Variants in SRGAP3 observed in about 807,000 individuals in gnomAD.
SRGAP3 encodes the protein SLIT-ROBO Rho GTPase-activating protein 3.
A neutral mutation model predicts 121.1 loss-of-function variants in SRGAP3; 39 were observed. That is an observed-to-expected ratio of 0.32 (90% CI 0.25 to 0.42). The LOEUF (loss-of-function observed/expected upper bound fraction) is 0.42, where lower values mean the gene tolerates loss of function less well. Ranked by LOEUF, SRGAP3 falls within the 10% of genes least tolerant of loss-of-function variation. SRGAP3 has a pLI of 1.00. For missense variants in SRGAP3, 1,213 were observed against 1,470.6 expected (o/e 0.82, Z 2.86); for synonymous variants, 601 against 570.0 (o/e 1.05, Z -0.77).
intron 1 of SRGAP3, among the ~76,000 whole-genome samples, chr3:9,172,156 C>A (rs1032875659): frequency 1.4e-5 from 2 of 146,548 alleles, no homozygotes; most frequent in African/African-American, 5.1e-5. Flanking sequence ...TGCAGTGGTG[C>A]AGTCTCCACT....
intron 3 of SRGAP3, among the ~76,000 whole-genome samples, chr3:9,316,923 C>G (rs1319131375): frequency 2.0e-5 from 3 of 152,114 alleles, no homozygotes; most frequent in African/African-American, 7.2e-5. Context: ...GACTTCCCTG[C>G]ATTTCAAAGC....
At position 9,075,374 on chromosome 3, in the gene SRGAP3, AGTGT is replaced by A. The variant is rs3067610; in HGVS notation, c.486+4647_486+4650del. On this transcript the variant is annotated intron_variant, in intron 4 of 21. Coordinates refer to ENST00000383836, the MANE Select transcript of SRGAP3 (RefSeq NM_014850.4). ...GTCAAACTGCACATGCATGTATGCA[AGTGT>A]GTGTGTGTGTGTGCGCGCGCACATA... is the stretch of plus-strand genomic sequence containing the variant. Among the ~76,000 whole-genome samples, 7 of 145,228 alleles carry A rather than the reference AGTGT, an allele frequency of 4.8e-5. No individual in the cohort carries two copies. The East Asian group carries it at 1.1e-3, about 22-fold the overall frequency.
intron 1 of SRGAP3, among the ~76,000 whole-genome samples, chr3:9,180,148 C>T (rs1434239691): frequency 6.6e-6 from 1 of 152,232 alleles, no homozygotes; most frequent in Non-Finnish European, 1.5e-5. Flanking sequence ...TTCACAGCTG[C>T]CAAGAGAGGT....
chr3:9,225,209 A>G (rs1020934357), intron 1 of SRGAP3, among the ~76,000 whole-genome samples: 1 of 152,176 alleles, frequency 6.6e-6, no homozygotes, highest in Non-Finnish European at 1.5e-5. Flanking sequence ...TCCAAGCAGA[A>G]ACTGCCCAGC....
At chr3:9,198,282 A>C (rs1371470407) in intron 1 of SRGAP3, among the ~76,000 whole-genome samples, 1 of 152,208 alleles carries the variant, frequency 6.6e-6, no homozygotes, top group Non-Finnish European at 1.5e-5. Context: ...GTATTTATTT[A>C]ATGTTTGTCG....
intron 1 of SRGAP3, among the ~76,000 whole-genome samples, chr3:9,202,530 C>A (rs1007927468): frequency 6.6e-6 from 1 of 152,246 alleles, no homozygotes. Context: ...CAAAGACCTG[C>A]ACTCTAAAGT....
At chr3:9,234,991 G>A (rs555307757) in intron 1 of SRGAP3, among the ~76,000 whole-genome samples, 1 of 152,270 alleles carries the variant, frequency 6.6e-6, no homozygotes, top group African/African-American at 2.4e-5. Context: ...GAAAGTGGCT[G>A]GGACAAATGT....
chr3:8,990,859 C>T lies in SRGAP3; in HGVS notation c.2559-20G>A, dbSNP rs765682763. ...CGCACTCTGCAAAGGAGCCAGGGGG[C>T]GAGGGGCATGGGGCAGAGGTCAAGC... On this transcript the variant is annotated intron_variant, in intron 20 of 21. Coordinates refer to ENST00000383836, the MANE Select transcript of SRGAP3 (RefSeq NM_014850.4). 18 of 1,492,940 alleles carry T rather than the reference C, an allele frequency of 1.2e-5. No individual in the cohort carries two copies. The highest frequency in any genetic ancestry group is 1.8e-4 in the Middle Eastern group (1 of 5,606). 92.5% of individuals were successfully genotyped at this position (1,492,940 alleles called of 1,614,324 possible).
chr3:9,169,061 G>A (rs893596919), intron 1 of SRGAP3, among the ~76,000 whole-genome samples: 1 of 152,210 alleles, frequency 6.6e-6, no homozygotes, highest in African/African-American at 2.4e-5. Context: ...GTACATGGTA[G>A]CACTGATTTC....
intron 3 of SRGAP3, among the ~76,000 whole-genome samples, chr3:9,276,431 T>TG (rs1253475532): frequency 6.7e-6 from 1 of 149,832 alleles, no homozygotes; most frequent in Non-Finnish European, 1.5e-5. Flanking sequence ...ACTGTTTGTT[T>TG]TTTTTTTTTT....
chr3:9,000,853 G>A lies in SRGAP3; in HGVS notation c.2228-6330C>T, dbSNP rs769980777. On this transcript the variant is annotated intron_variant, in intron 18 of 21. Coordinates refer to ENST00000383836, the MANE Select transcript of SRGAP3 (RefSeq NM_014850.4). ...CAGCAATTAGTAGAGATTAACAGCC[G>A]GAAAGGATCCGGGAAAGAGACTTCT... is the stretch of plus-strand genomic sequence containing the variant. Among the ~76,000 whole-genome samples the A allele has an allele frequency of 5.3e-5, 8 of 152,278 alleles. No homozygotes were observed. The East Asian group carries it at 5.8e-4, about 11-fold the overall frequency.
intron 3 of SRGAP3, among the ~76,000 whole-genome samples, chr3:9,259,432 A>AAC (rs1954206901): frequency 6.6e-6 from 1 of 152,040 alleles, no homozygotes; most frequent in South Asian, 2.1e-4. Flanking sequence ...ATCATACTGA[A>AAC]ACACCAGGTG....
At chr3:9,091,190 T>C (rs2124853124) in intron 3 of SRGAP3, among the ~76,000 whole-genome samples, 1 of 152,268 alleles carries the variant, frequency 6.6e-6, no homozygotes, top group South Asian at 2.1e-4. Flanking sequence ...TGGCCTTTGT[T>C]AACTCTCAGT....
chr3:9,244,179 G>T (rs2125241471), intron 1 of SRGAP3, among the ~76,000 whole-genome samples: 1 of 152,262 alleles, frequency 6.6e-6, no homozygotes, highest in South Asian at 2.1e-4. Context: ...AAGTTTTTGT[G>T]TTTGGGATTT....
intron 1 of SRGAP3, among the ~76,000 whole-genome samples, chr3:9,213,968 A>C (rs902139547): frequency 6.6e-6 from 1 of 152,116 alleles, no homozygotes; most frequent in African/African-American, 2.4e-5. Flanking sequence ...CTGATTTCTC[A>C]TCAGGAACCA....
Position 8,994,328 on chromosome 3 carries a change from C to G in SRGAP3, c.2408+15G>C. 1 of 1,613,860 alleles carries G rather than the reference C, an allele frequency of 6.2e-7. No homozygotes were observed. The highest frequency in any genetic ancestry group is 8.5e-7 in the Non-Finnish European group (1 of 1,180,036). On this transcript the variant is annotated intron_variant, in intron 19 of 21. Coordinates refer to ENST00000383836, the MANE Select transcript of SRGAP3 (RefSeq NM_014850.4). ...CTATTTCGGCATTCTTCACAGAATT[C>G]TCGACTCCACTCACATGTCCTGTAC... is the stretch of plus-strand genomic sequence containing the variant.
At chr3:9,139,493 C>G (rs1449894789) in intron 1 of SRGAP3, among the ~76,000 whole-genome samples, 1 of 152,172 alleles carries the variant, frequency 6.6e-6, no homozygotes, top group Non-Finnish European at 1.5e-5. Flanking sequence ...CAACCACAAG[C>G]CAAGGAATGC....
intron 3 of SRGAP3, among the ~76,000 whole-genome samples, chr3:9,315,763 C>T (rs1338109134): frequency 6.6e-6 from 1 of 151,570 alleles, no homozygotes; most frequent in Non-Finnish European, 1.5e-5. Flanking sequence ...AATGTGAGCG[C>T]CTAAATGATG....
At chr3:9,142,453 G>A (rs7641779) in intron 1 of SRGAP3, among the ~76,000 whole-genome samples, 2,565 of 152,198 alleles carry the variant, frequency 0.017, 75 homozygotes, top group African/African-American at 0.058. Context: ...TTCACACTTC[G>A]GCTCAGAGTG....
Sources: allele counts gnomAD v4.1 joint callset (sites outside exome capture counted in the v4.1 genomes callset), GRCh38; gene constraint gnomAD v4.1.1; transcripts MANE v1.5; gene names NCBI Gene and HGNC (gene_info 2026-07-23, HGNC 2026-07-21).